Variants in GCSAML observed in about 807,000 individuals in gnomAD.
GCSAML encodes the protein germinal center-associated signaling and motility-like protein.
A neutral mutation model predicts 13.0 loss-of-function variants in GCSAML; 9 were observed. That is an observed-to-expected ratio of 0.69 (90% CI 0.42 to 1.21). GCSAML has a LOEUF of 1.21. GCSAML is among the 50% of genes most tolerant of loss of function. The pLI is 0.00. For missense variants in GCSAML, 143 were observed against 153.4 expected (o/e 0.93, Z 0.36); for synonymous variants, 37 against 52.9 (o/e 0.70, Z 1.31).
chr1:247,533,639 T>G (rs1667099274), intron 2 of GCSAML: 5 of 152,190 alleles, frequency 3.3e-5, no homozygotes, highest in Admixed American at 3.3e-4. Context: ...ACTCAGTCCA[T>G]CAGTATTAGA....
intron 2 of GCSAML, chr1:247,531,766 A>G (rs376920492): frequency 2.5e-6 from 4 of 1,614,196 alleles, no homozygotes; most frequent in Non-Finnish European, 3.4e-6. Context: ...AAACAGAGAC[A>G]CCACAGCCAC....
intron 1 of GCSAML, among the ~76,000 whole-genome samples, chr1:247,512,932 A>T (rs1228772153): frequency 6.6e-6 from 1 of 152,120 alleles, no homozygotes; most frequent in African/African-American, 2.4e-5. Context: ...GCTCTCCTGT[A>T]TGAGGTGTCT....
chr1:247,567,982 A>C (rs1186512442), intron 4 of GCSAML, among the ~76,000 whole-genome samples: 2 of 152,050 alleles, frequency 1.3e-5, no homozygotes, highest in Non-Finnish European at 2.9e-5. Context: ...TCTTCTTTTG[A>C]GAAGTGTCTG....
At chr1:247,520,716 T>C (rs1205218670) in intron 1 of GCSAML, among the ~76,000 whole-genome samples, 4 of 152,232 alleles carry the variant, frequency 2.6e-5, no homozygotes, top group Non-Finnish European at 4.4e-5. Context: ...ATTTCTTTTC[T>C]CATGTTCAAA....
At chr1:247,541,461 C>T (rs930412252) in intron 2 of GCSAML, among the ~76,000 whole-genome samples, 8 of 152,136 alleles carry the variant, frequency 5.3e-5, no homozygotes, top group Non-Finnish European at 1.0e-4. Context: ...ATGGAGTACT[C>T]AGTCTCATCC....
At chr1:247,508,840 G>C (rs1247427633) in intron 1 of GCSAML, among the ~76,000 whole-genome samples, 1 of 151,378 alleles carries the variant, frequency 6.6e-6, no homozygotes, top group Non-Finnish European at 1.5e-5. Context: ...TCTTATTTCT[G>C]ATTCTGTTCC....
intron 4 of GCSAML, among the ~76,000 whole-genome samples, chr1:247,569,210 C>T (rs1449452013): frequency 2.0e-5 from 3 of 152,126 alleles, no homozygotes; most frequent in Admixed American, 6.5e-5. Flanking sequence ...TTTCTCTTGC[C>T]TGATTGCCCT....
At chr1:247,548,626 C>A (rs1008340917), upstream of GCSAML, among the ~76,000 whole-genome samples, 8 of 151,978 alleles carry the variant, frequency 5.3e-5, no homozygotes, top group African/African-American at 1.9e-4. This position sits in a 1 kb window ranked among gnomAD's most constrained non-coding sequence, Gnocchi z 5.3. Flanking sequence ...TTTTTCTTTT[C>A]CCCAAGAAGA....
intron 1 of GCSAML, among the ~76,000 whole-genome samples, chr1:247,555,163 T>A (rs956513755): frequency 2.6e-5 from 4 of 152,196 alleles, no homozygotes; most frequent in African/African-American, 9.6e-5. Flanking sequence ...TTTTCCTGTC[T>A]TGTTTTCAAC....
intron 2 of GCSAML, among the ~76,000 whole-genome samples, chr1:247,561,110 T>C (rs1193313557): frequency 6.6e-6 from 1 of 152,126 alleles, no homozygotes; most frequent in Non-Finnish European, 1.5e-5. Flanking sequence ...CACACCATCA[T>C]GCCTGGCTAA....
intron 2 of GCSAML, 24 bp from the exon 3 acceptor site, chr1:247,563,566 A>G (rs1327029774): frequency 1.3e-6 from 2 of 1,496,372 alleles, no homozygotes; most frequent in Non-Finnish European, 1.9e-6. Flanking sequence ...GGAGTATCTC[A>G]TGTTACTATC....
intron 2 of GCSAML, among the ~76,000 whole-genome samples, chr1:247,538,349 G>A (rs1435372931): frequency 6.6e-6 from 1 of 152,114 alleles, no homozygotes; most frequent in Non-Finnish European, 1.5e-5. Context: ...AATATGAACC[G>A]TATTCTGAAG....
chr1:247,527,619 G>A lies in GCSAML; in HGVS notation c.-148+565G>A, dbSNP rs1162163938. On this transcript the variant is annotated intron_variant, in intron 2 of 5. Coordinates refer to the GCSAML transcript ENST00000366489. This position sits in a 1 kb window ranked among gnomAD's most constrained non-coding sequence, Gnocchi z 4.6. ...AATTTTTTTATTTTAGCTTTTAGTG[G>A]ACATATAATAATTGAACATATTTCT... 6.6e-6 allele frequency: 1 copy of A among 152,414 alleles called. No individual in the cohort carries two copies. Among genetic ancestry groups the A allele is most frequent in the Non-Finnish European group, 1.5e-5 (1 of 68,244 alleles). 9.4% of individuals were successfully genotyped at this position (152,414 alleles called of 1,614,324 possible).
chr1:247,550,700 T>G (rs965721165), intron 1 of GCSAML, among the ~76,000 whole-genome samples: 2 of 152,042 alleles, frequency 1.3e-5, no homozygotes, highest in African/African-American at 4.8e-5. Flanking sequence ...CCATCAAAGT[T>G]CAGGATGAGC....
chr1:247,545,137 GT>G (rs1385612672), upstream of GCSAML, among the ~76,000 whole-genome samples: 1 of 152,194 alleles, frequency 6.6e-6, no homozygotes, highest in Admixed American at 6.5e-5. Context: ...TTGAGAGTTT[GT>G]TTCTCTACCC....
intron 2 of GCSAML, chr1:247,531,608 G>C: frequency 2.5e-6 from 4 of 1,614,148 alleles, no homozygotes; most frequent in Non-Finnish European, 3.4e-6. Flanking sequence ...ATGTGCCGGA[G>C]GGCGCTCTTC....
At chr1:247,508,818 G>GT (rs956322893) in intron 1 of GCSAML, among the ~76,000 whole-genome samples, 2 of 152,100 alleles carry the variant, frequency 1.3e-5, no homozygotes, top group African/African-American at 4.8e-5. Context: ...ACAGATGGTG[G>GT]TATGTGTATG....
At chr1:247,516,688 T>C (rs902728162) in intron 1 of GCSAML, among the ~76,000 whole-genome samples, 3 of 152,068 alleles carry the variant, frequency 2.0e-5, no homozygotes, top group African/African-American at 7.2e-5. Context: ...ATCCTGTACG[T>C]GGACAGCAGA....
chr1:247,507,191 GC>G (rs1665860822), exon 1 of GCSAML: 1 of 152,184 alleles, frequency 6.6e-6, no homozygotes, highest in African/African-American at 2.4e-5. Flanking sequence ...CTCCTTGGGG[GC>G]CTTATCTTAC....
Sources: gnomAD v4.1 joint callset for allele counts (sites outside exome capture counted in the v4.1 genomes callset) on GRCh38, gnomAD v4.1.1 for gene constraint, Gnocchi (gnomAD v3.1) non-coding constraint, MANE v1.5 for transcripts, NCBI Gene and HGNC (gene_info 2026-07-23, HGNC 2026-07-21) for gene names.